The following NUP98 variants were observed in gnomAD, a reference collection of about 807,000 sequenced individuals.
NUP98 encodes nucleoporin 98 and 96 precursor.
Under a neutral mutation model 191.9 loss-of-function variants are expected in NUP98, and 26 were observed. That is an observed-to-expected ratio of 0.14 (90% confidence interval 0.10 to 0.19). The LOEUF is 0.19. Among genes scored for constraint, NUP98 ranks in the 10% least tolerant of loss-of-function variants. The probability of loss-of-function intolerance (pLI) is 1.00; values close to 1 mark genes in which losing one functional copy is unlikely to be tolerated. For missense variants in NUP98, 1,941 were observed against 2,178.8 expected (o/e 0.89, Z 2.17); for synonymous variants, 808 against 778.4 (o/e 1.04, Z -0.63).
chr11:3,745,340 T>G (rs943525491), intron 11 of NUP98, among the ~76,000 whole-genome samples: 1 of 152,290 alleles, frequency 6.6e-6, no homozygotes, highest in East Asian at 1.9e-4. Context: ...ACAAACTTGT[T>G]TTACAAAAAG....
Position 3,734,219 on chromosome 11 carries a change from A to G in NUP98, c.1542+972T>C, listed in dbSNP as rs372285446. 2.7e-3 allele frequency among the ~76,000 whole-genome samples: 416 copies of G among 152,266 alleles called. 3 individuals carry two copies. Among genetic ancestry groups the G allele is most frequent in the African/African-American group, 9.1e-3 (379 of 41,550 alleles). On this transcript the variant is annotated intron_variant, in intron 13 of 32. Coordinates refer to ENST00000324932, the MANE Select transcript of NUP98 (RefSeq NM_016320.5). ...CCCAGCTAATTTTTGTATATTTCATAGAGACGGGGTTTCACCGTGTTGACC... is the reference window on the plus strand; with the variant it reads ...CCCAGCTAATTTTTGTATATTTCATGGAGACGGGGTTTCACCGTGTTGACC...
chr11:3,705,371 T>C lies in NUP98; in HGVS notation c.2926-15A>G. 1 of 1,612,232 alleles carries C rather than the reference T, an allele frequency of 6.2e-7. No individual in the cohort carries two copies. Among genetic ancestry groups the C allele is most frequent in the Non-Finnish European group, 8.5e-7 (1 of 1,178,906 alleles). On this transcript the variant is annotated splice_polypyrimidine_tract_variant and intron_variant, in intron 21 of 32. Transcript: ENST00000324932. ...GCTTTCATGATCTAAAAAGGCAATA[T>C]CTATAGAATGAATGTGCTTCCCAGA...
chr11:3,731,090 C>T (rs1052321148), intron 14 of NUP98, among the ~76,000 whole-genome samples: 3 of 152,142 alleles, frequency 2.0e-5, no homozygotes, highest in Admixed American at 2.0e-4. Flanking sequence ...CATTGTGAAA[C>T]CCCATTTCTA....
At chr11:3,787,543 A>G (rs1212187155) in intron 1 of NUP98, among the ~76,000 whole-genome samples, 9 of 152,090 alleles carry the variant, frequency 5.9e-5, no homozygotes, top group Non-Finnish European at 1.3e-4. Flanking sequence ...AGATCATTCC[A>G]GCCTGGGTAA....
At chr11:3,736,260 A>T (rs2080056935) in intron 12 of NUP98, among the ~76,000 whole-genome samples, 1 of 152,202 alleles carries the variant, frequency 6.6e-6, no homozygotes, top group African/African-American at 2.4e-5. Flanking sequence ...AATTTTAATC[A>T]TGAAAATTTA....
rs1357776530 is a variant in NUP98 at position 3,723,314 on chromosome 11, G to A, written c.1989C>T (p.Asn663=). Residue 663 remains asparagine (N), a synonymous_variant, in exon 16 of 33, where the codon AAC becomes AAT. Coordinates refer to ENST00000324932, the MANE Select transcript of NUP98 (RefSeq NM_016320.5). ...CAATGGTATCATCCACACTGTTGCT[G>A]TTGCTGTGTTTATTTCCAGCACTTT... ...TPESAGNKHS[N]SNSVDDTIVA... is the part of the protein sequence containing the mutation. 2 of 1,614,148 alleles carry A rather than the reference G, an allele frequency of 1.2e-6. No individual in the cohort carries two copies. Among genetic ancestry groups the A allele is most frequent in the African/African-American group, 1.3e-5 (1 of 75,044 alleles).
intron 1 of NUP98, among the ~76,000 whole-genome samples, chr11:3,793,201 C>T (rs1163207601): frequency 6.6e-6 from 1 of 152,120 alleles, no homozygotes; most frequent in African/African-American, 2.4e-5. Context: ...CTCTCTTTTC[C>T]AACTATGTAT....
At position 3,724,740 on chromosome 11, in the gene NUP98, C is replaced by T. The variant is rs1233831407; in HGVS notation, c.1847+363G>A. ...CATGGGAGGCGATCTTGGCTCATGC[C>T]ACTGCACTCCAGCCTGGGCGACAGA... On this transcript the variant is annotated intron_variant, in intron 15 of 32. Transcript: ENST00000324932. 7.4e-5 allele frequency among the ~76,000 whole-genome samples: 10 copies of T among 134,236 alleles called. 1 individual carries two copies. In the Admixed American group the frequency reaches 7.7e-4, roughly 10 times the overall value. The allele number at this position is 134,236 out of a possible 152,430, so 88.1% of individuals were successfully genotyped here. A position where few individuals can be genotyped will look rare whatever the true frequency, so the allele number is the denominator to read the frequency against.
intron 13 of NUP98, among the ~76,000 whole-genome samples, chr11:3,734,124 C>T (rs1369709003): frequency 5.3e-5 from 8 of 151,978 alleles, no homozygotes; most frequent in African/African-American, 1.7e-4. Context: ...CAACCTCTGC[C>T]TCCCAGGTAC....
intron 14 of NUP98, among the ~76,000 whole-genome samples, chr11:3,726,952 G>A (rs1008922866): frequency 6.6e-6 from 1 of 151,942 alleles, no homozygotes; most frequent in Non-Finnish European, 1.5e-5. Context: ...TTTTTTTAGA[G>A]ACAAGGTCTC....
chr11:3,794,074 A>G (rs2082447011), intron 1 of NUP98, among the ~76,000 whole-genome samples: 1 of 152,208 alleles, frequency 6.6e-6, no homozygotes, highest in East Asian at 1.9e-4. Context: ...TGATCGTTAC[A>G]ACCTGCAGAG....
chr11:3,740,809 AAT>A (rs1044566768), intron 12 of NUP98, among the ~76,000 whole-genome samples: 4 of 149,704 alleles, frequency 2.7e-5, no homozygotes, highest in East Asian at 1.9e-4. Context: ...TTTAAATATA[AAT>A]ATATATATAT....
chr11:3,696,293 G>C (rs1475292203), intron 25 of NUP98, among the ~76,000 whole-genome samples: 3 of 152,136 alleles, frequency 2.0e-5, no homozygotes, highest in Admixed American at 1.3e-4. Context: ...CTTGGGGTCA[G>C]GAGTTCGAGA....
rs988557537 is a variant in NUP98 at position 3,676,151 on chromosome 11, C to G, written c.*8G>C. 32 of 1,613,066 alleles carry G rather than the reference C, an allele frequency of 2.0e-5. No homozygotes were observed. The highest frequency in any genetic ancestry group is 1.7e-4 in the Middle Eastern group (1 of 5,798). On this transcript the variant is annotated 3_prime_UTR_variant, in exon 33 of 33. Transcript: ENST00000324932. ...GGGCATGTGACTGTGATGCAAAGTG[C>G]CTGGGGCTCACAGGCTCCCAACAGC... is the stretch of plus-strand genomic sequence containing the variant.
chr11:3,782,709 A>C (rs2082013079), intron 1 of NUP98, among the ~76,000 whole-genome samples: 1 of 149,854 alleles, frequency 6.7e-6, no homozygotes, highest in Admixed American at 6.7e-5. Flanking sequence ...TGCCTGTCTA[A>C]TTATTTGTAT....
At chr11:3,686,244 G>A in intron 28 of NUP98, 50 bp from the exon 29 acceptor site, 1 of 1,522,744 alleles carries the variant, frequency 6.6e-7, no homozygotes. Flanking sequence ...AGACGGCCTG[G>A]ACTGATATGT....
intron 18 of NUP98, among the ~76,000 whole-genome samples, chr11:3,716,509 C>T (rs537158189): frequency 4.0e-5 from 6 of 151,634 alleles, no homozygotes; most frequent in Admixed American, 1.3e-4. Flanking sequence ...AGTTTGAGAC[C>T]GGCTGGGCAG....
chr11:3,782,182 C>T, intron 1 of NUP98, 37 bp from the exon 2 acceptor site: 1 of 1,103,246 alleles, frequency 9.1e-7, no homozygotes, highest in Non-Finnish European at 1.3e-6. Flanking sequence ...TCTTAAAGAC[C>T]ACAAAATGGA....
chr11:3,771,757 A>G lies in NUP98; in HGVS notation c.775T>C (p.Phe259Leu), dbSNP rs1485927151. 1.2e-6 allele frequency: 2 copies of G among 1,614,028 alleles called. No homozygotes were observed. The highest frequency in any genetic ancestry group is 1.7e-5 in the Admixed American group (1 of 59,974). ...GFAYGQNKTA[F>L]GTSTTGFGTN... The stretch of plus-strand genomic sequence containing the variant: ...GATATCAAGTGCTTACTAGTTCCAA[A>G]GGCAGTTTTGTTCTGACCATATGCA... Residue 259 changes from phenylalanine (F) to leucine (L), a missense_variant, in exon 7 of 33, where the codon TTT becomes CTT. Coordinates refer to ENST00000324932, the MANE Select transcript of NUP98 (RefSeq NM_016320.5).
Sources: gnomAD v4.1 joint callset for allele counts (sites outside exome capture counted in the v4.1 genomes callset) on GRCh38, gnomAD v4.1.1 for gene constraint, MANE v1.5 for transcripts, NCBI Gene and HGNC (gene_info 2026-07-23, HGNC 2026-07-21) for gene names.